The following ARID5A variants were observed in gnomAD, a reference collection of about 807,000 sequenced individuals.
ARID5A encodes AT-rich interactive domain-containing protein 5A.
Under a neutral mutation model 30.5 loss-of-function variants are expected in ARID5A, and 14 were observed. The observed-to-expected ratio is 0.46, with a 90% confidence interval of 0.30 to 0.72. The LOEUF is 0.72. Ranked by LOEUF, ARID5A falls within the 30% of genes least tolerant of loss-of-function variation. The probability of loss-of-function intolerance (pLI) is 0.07; values close to 1 mark genes in which losing one functional copy is unlikely to be tolerated. For synonymous variants in ARID5A, 338 were observed against 340.4 expected (o/e 0.99, Z 0.08); for missense variants, 669 against 786.2 (o/e 0.85, Z 1.78).
At chr2:96,546,493 AG>A (rs1027897042) in intron 1 of ARID5A, among the ~76,000 whole-genome samples, 1 of 152,232 alleles carries the variant, frequency 6.6e-6, no homozygotes, top group African/African-American at 2.4e-5. Flanking sequence ...CCCACCACGC[AG>A]GGTTGTTGTG....
rs865809422 is a variant in ARID5A at position 96,539,358 on chromosome 2, G to T, written c.4+2528G>T. ...AGGGCAGGGGCCCACTGACTTCCCC[G>T]CATCCACCCACTGCCTGGCCCCATA... is the stretch of plus-strand genomic sequence containing the variant. On this transcript the variant is annotated intron_variant, in intron 1 of 6. Transcript: ENST00000357485. The surrounding 1 kb of genome is among the most constrained non-coding windows in gnomAD (Gnocchi z 4.7). 6.6e-6 allele frequency among the ~76,000 whole-genome samples: 1 copy of T among 152,150 alleles called. No homozygotes were observed. Among genetic ancestry groups the T allele is most frequent in the African/African-American group, 2.4e-5 (1 of 41,434 alleles).
rs1292931080 is a variant in ARID5A, at chr2:96,549,982, CA to C, written c.312+178del. 2 of 1,534,074 alleles carry C rather than the reference CA, an allele frequency of 1.3e-6. No individual in the cohort carries two copies. Among genetic ancestry groups the C allele is most frequent in the Non-Finnish European group, 1.7e-6 (2 of 1,144,900 alleles). ...CTCAAAGCAGCTTTTCAGCCTTCCC[CA>C]TCTGTTCTGCCCGCCCCGTGTTGGG... On this transcript the variant is annotated intron_variant, in intron 4 of 6. Transcript: ENST00000357485. This position sits in a 1 kb window ranked among gnomAD's most constrained non-coding sequence, Gnocchi z 6.1.
In ARID5A at chr2:96,550,590, G is replaced by A; in HGVS notation, c.427G>A (p.Val143Met). Residue 143 changes from valine to methionine, a missense_variant, in exon 6 of 7, where the codon GTG becomes ATG. By Grantham distance (21) the Val-to-Met change is conservative. This residue lies in a region of ARID5A where 64 missense variants were observed against 119.7 expected (regional missense o/e 0.53). Coordinates refer to ENST00000357485, the MANE Select transcript of ARID5A (RefSeq NM_212481.3). The surrounding 1 kb of genome is among the most constrained non-coding windows in gnomAD (Gnocchi z 6.6). ...CCTCACCAGGCTGGTCCTGCCATAC[G>A]TGCGGCACCTGAAGGGGGAGGATGA... ...RHYERLVLPY[V>M]RHLKGEDDKP... The A allele has an allele frequency of 1.9e-6, 3 of 1,604,580 alleles. No homozygotes were observed. The highest frequency in any genetic ancestry group is 2.5e-6 in the Non-Finnish European group (3 of 1,176,510).
At chr2:96,546,540 G>A (rs1432153458) in intron 1 of ARID5A, among the ~76,000 whole-genome samples, 1 of 152,266 alleles carries the variant, frequency 6.6e-6, no homozygotes, top group African/African-American at 2.4e-5. Flanking sequence ...CTGCTGTGTG[G>A]GGTATGGGAA....
chr2:96,543,980 C>T (rs552574864), intron 1 of ARID5A, among the ~76,000 whole-genome samples: 1 of 152,258 alleles, frequency 6.6e-6, no homozygotes, highest in South Asian at 2.1e-4. Context: ...AGCCTTATTG[C>T]TGATAATGGA....
chr2:96,550,655 G>A lies in ARID5A; in HGVS notation c.492G>A (p.Lys164=), dbSNP rs1310509680. The stretch of plus-strand genomic sequence containing the variant: ...CCTCCAAGCCCAGGAAACAGTACAA[G>A]ATGGCTAAGGAGAACAGGGGGGATG... ...LPTSKPRKQY[K]MAKENRGDDG... is the part of the protein sequence containing the mutation. The change falls in exon 6 of 7, where the codon AAG becomes AAA. Residue 164 remains lysine (K), a synonymous_variant. Coordinates refer to ENST00000357485, the MANE Select transcript of ARID5A (RefSeq NM_212481.3). The surrounding 1 kb of genome is among the most constrained non-coding windows in gnomAD (Gnocchi z 6.6). 2.5e-6 allele frequency: 4 copies of A among 1,606,300 alleles called. No homozygotes were observed. The highest frequency in any genetic ancestry group is 3.4e-6 in the Non-Finnish European group (4 of 1,177,060).
intron 2 of ARID5A, 35 bp downstream of exon 2, chr2:96,547,552 T>A (rs113045278): frequency 1.3e-6 from 2 of 1,593,010 alleles, no homozygotes; most frequent in Admixed American, 1.7e-5. Context: ...CCCTGGGCAC[T>A]CTTCCCTGCC....
At chr2:96,544,436 C>G (rs535974941) in intron 1 of ARID5A, among the ~76,000 whole-genome samples, 15 of 152,324 alleles carry the variant, frequency 9.8e-5, no homozygotes, top group African/African-American at 3.6e-4. Flanking sequence ...TAAGTTGAAG[C>G]CTGTGCTCAT....
rs1405075089 is a variant in ARID5A, at chr2:96,550,377, G to GC, written c.410+93dup. 7.0e-7 allele frequency: 1 copy of GC among 1,427,140 alleles called. No individual in the cohort carries two copies. The highest frequency in any genetic ancestry group is 1.5e-5 in the African/African-American group (1 of 68,544). The allele number at this position is 1,427,140 out of a possible 1,614,324, so 88.4% of individuals were successfully genotyped here. On this transcript the variant is annotated intron_variant, in intron 5 of 6. Transcript: ENST00000357485. The surrounding 1 kb of genome is among the most constrained non-coding windows in gnomAD (Gnocchi z 6.6). ...GAGGGCCGGGTGGACTCTGCCCGGAGCGGGCAGGGTATGCGCCGTCCTCAG... is the reference window on the plus strand; with the variant it reads ...GAGGGCCGGGTGGACTCTGCCCGGAGCCGGGCAGGGTATGCGCCGTCCTCAG...
chr2:96,551,838 G>A lies in ARID5A; in HGVS notation c.1310G>A (p.Ser437Asn), dbSNP rs915277728. ...CCCACGCTCCCGCCCACCTTCCCCA[G>A]TAGCCCAGGCCTGGGCAGCAAGCGC... ...ESPTLPPTFP[S>N]SPGLGSKRSL... Residue 437 changes from serine (S) to asparagine (N), a missense_variant, in exon 7 of 7, where the codon AGT becomes AAT. This residue lies in a region of ARID5A where 548 missense variants were observed against 577.4 expected (regional missense o/e 0.95). Transcript: ENST00000357485. 26 of 1,598,996 alleles carry A rather than the reference G, an allele frequency of 1.6e-5. No homozygotes were observed. The highest frequency in any genetic ancestry group is 2.2e-5 in the Non-Finnish European group (26 of 1,173,854).
chr2:96,547,108 G>A (rs1338665301), intron 1 of ARID5A, among the ~76,000 whole-genome samples: 1 of 151,970 alleles, frequency 6.6e-6, no homozygotes, highest in Non-Finnish European at 1.5e-5. Context: ...GTGTGTGCAT[G>A]TAGCCTATGT....
In ARID5A at chr2:96,549,562, TAGAA is replaced by T. The variant is rs1558619238; in HGVS notation, c.259+106_259+109del. 2.6e-6 allele frequency: 4 copies of T among 1,523,800 alleles called. No homozygotes were observed. Among genetic ancestry groups the T allele is most frequent in the East Asian group, 4.5e-5 (2 of 44,086 alleles). 94.4% of individuals were successfully genotyped at this position (1,523,800 alleles called of 1,614,324 possible). The stretch of plus-strand genomic sequence containing the variant: ...CACTCTGGGTGACCCAGGTTGCAGA[TAGAA>T]AGGAGGCCTCCCTCCAGGCTGCCAC... On this transcript the variant is annotated intron_variant, in intron 3 of 6. Transcript: ENST00000357485. This position sits in a 1 kb window ranked among gnomAD's most constrained non-coding sequence, Gnocchi z 6.1.
intron 1 of ARID5A, 76 bp from the exon 2 acceptor site, chr2:96,547,326 C>T (rs2065946273): frequency 1.6e-6 from 2 of 1,259,416 alleles, no homozygotes; most frequent in African/African-American, 1.5e-5. Context: ...GGAGAGTGCT[C>T]CTGTTCCTCC....
At chr2:96,546,512 C>T (rs2065931651) in intron 1 of ARID5A, among the ~76,000 whole-genome samples, 1 of 152,260 alleles carries the variant, frequency 6.6e-6, no homozygotes, top group Non-Finnish European at 1.5e-5. Context: ...GTGAGCCTTG[C>T]TCATTCCAGC....
Position 96,536,796 on chromosome 2 carries a change from C to T in ARID5A, c.-31C>T, listed in dbSNP as rs1361958252. 3 of 1,203,340 alleles carry T rather than the reference C, an allele frequency of 2.5e-6. No homozygotes were observed. The highest frequency in any genetic ancestry group is 3.5e-5 in the East Asian group (1 of 28,846). The allele number at this position is 1,203,340 out of a possible 1,614,324, so 74.5% of individuals were successfully genotyped here. ...CCGGACAGCCGCGCGCTGAGGGTCT[C>T]GGGGCGGGCGCCGCGGGACCTCTCC... On this transcript the variant is annotated 5_prime_UTR_variant, in exon 1 of 7. Coordinates refer to ENST00000357485, the MANE Select transcript of ARID5A (RefSeq NM_212481.3).
In ARID5A at chr2:96,551,669, T is replaced by C. The variant is rs778976138; in HGVS notation, c.1141T>C (p.Ser381Pro). 45 of 1,523,442 alleles carry C rather than the reference T, an allele frequency of 3.0e-5. No homozygotes were observed. Among genetic ancestry groups the C allele is most frequent in the Non-Finnish European group, 3.9e-5 (44 of 1,138,840 alleles). The allele number at this position is 1,523,442 out of a possible 1,614,324, so 94.4% of individuals were successfully genotyped here. Residue 381 changes from serine (S) to proline (P), a missense_variant, in exon 7 of 7, where the codon TCA becomes CCA. By Grantham distance (74) the Ser-to-Pro change is moderately conservative. Transcript: ENST00000357485. ...LLGPPGKEGLSVKEPQLVWGG... is the reference protein window; with the variant it reads ...LLGPPGKEGLPVKEPQLVWGG... ...GGGGCCTCCTGGCAAAGAGGGGCTG[T>C]CAGTGAAAGAGCCCCAGCTGGTGTG...
chr2:96,538,873 G>T (rs2065793938), intron 1 of ARID5A, among the ~76,000 whole-genome samples: 1 of 152,198 alleles, frequency 6.6e-6, no homozygotes, highest in Non-Finnish European at 1.5e-5. Context: ...GGGTGAGTGG[G>T]GCGGGCAGCA....
chr2:96,540,694 A>G (rs1300588300), intron 1 of ARID5A, among the ~76,000 whole-genome samples: 3 of 152,204 alleles, frequency 2.0e-5, no homozygotes, highest in African/African-American at 7.2e-5. Flanking sequence ...TTTCTCCTCA[A>G]AGTAGTTTCT....
At chr2:96,542,738 C>G (rs2104673306) in intron 1 of ARID5A, among the ~76,000 whole-genome samples, 1 of 152,244 alleles carries the variant, frequency 6.6e-6, no homozygotes, top group East Asian at 1.9e-4. Flanking sequence ...GGTCACATAG[C>G]AAGTCTGTGA....
Sources: gnomAD v4.1 joint callset for allele counts (sites outside exome capture counted in the v4.1 genomes callset) on GRCh38, gnomAD v4.1.1 for gene constraint, gnomAD v4.1.1 regional missense constraint, Gnocchi (gnomAD v3.1) non-coding constraint, MANE v1.5 for transcripts, NCBI Gene and HGNC (gene_info 2026-07-23, HGNC 2026-07-21) for gene names.